SPAG16: variants seen among roughly 807,000 people sequenced by gnomAD.
The protein encoded by SPAG16 is sperm associated antigen 16.
Under a neutral mutation model 80.4 loss-of-function variants are expected in SPAG16, and 86 were observed. The ratio of observed to expected loss-of-function variants is 1.07; its 90% CI spans 0.90 to 1.28. The LOEUF (loss-of-function observed/expected upper bound fraction) is 1.28. Ranked by LOEUF, SPAG16 falls within the 50% of genes most tolerant of loss-of-function variation. The pLI, the probability that SPAG16 is intolerant of heterozygous loss-of-function variation, is 0.00. For missense variants in SPAG16, 870 were observed against 765.3 expected (o/e 1.14, Z -1.61); for synonymous variants, 294 against 265.9 (o/e 1.11, Z -1.03).
intron 10 of SPAG16, among the ~76,000 whole-genome samples, chr2:213,670,826 G>A (rs16850675): frequency 0.05 from 7,581 of 152,038 alleles, 605 homozygotes; most frequent in African/African-American, 0.17. Context: ...CTCAAATGCC[G>A]CATATATCAG....
intron 10 of SPAG16, among the ~76,000 whole-genome samples, chr2:213,714,983 T>C (rs1158142802): frequency 6.6e-6 from 1 of 152,218 alleles, no homozygotes; most frequent in Non-Finnish European, 1.5e-5. Flanking sequence ...TACTGATTGC[T>C]TACTTTGTAC....
At chr2:214,093,137 C>T (rs971259007) in intron 13 of SPAG16, among the ~76,000 whole-genome samples, 1 of 152,050 alleles carries the variant, frequency 6.6e-6, no homozygotes, top group Non-Finnish European at 1.5e-5. Context: ...GGTACAGTTA[C>T]CACCTCTCTG....
At chr2:213,851,094 A>G (rs1230240438) in intron 10 of SPAG16, among the ~76,000 whole-genome samples, 2 of 152,208 alleles carry the variant, frequency 1.3e-5, no homozygotes, top group Non-Finnish European at 2.9e-5. Context: ...TCAGAAGTAT[A>G]AAATGTTGCT....
intron 10 of SPAG16, among the ~76,000 whole-genome samples, chr2:213,833,474 AT>A (rs1370982194): frequency 8.5e-4 from 2 of 2,344 alleles, no homozygotes; most frequent in East Asian, 0.5. Flanking sequence ...ATTATATATA[AT>A]AATATATATA....
chr2:213,347,932 G>T (rs1288047073), intron 6 of SPAG16, among the ~76,000 whole-genome samples: 2 of 152,026 alleles, frequency 1.3e-5, no homozygotes, highest in African/African-American at 4.8e-5. Flanking sequence ...TTCAATTCCT[G>T]GATATCCTTG....
At chr2:213,573,520 A>G (rs2060004956) in intron 10 of SPAG16, among the ~76,000 whole-genome samples, 1 of 152,228 alleles carries the variant, frequency 6.6e-6, no homozygotes, top group African/African-American at 2.4e-5. Flanking sequence ...GGTAAACAGT[A>G]GCTACTTTTC....
At chr2:213,812,015 C>T (rs1284899317) in intron 10 of SPAG16, among the ~76,000 whole-genome samples, 1 of 152,048 alleles carries the variant, frequency 6.6e-6, no homozygotes, top group Non-Finnish European at 1.5e-5. Flanking sequence ...TAAAATGGGC[C>T]TAGCAACAGG....
At chr2:214,017,845 C>T (rs2047666901) in intron 13 of SPAG16, among the ~76,000 whole-genome samples, 1 of 152,054 alleles carries the variant, frequency 6.6e-6, no homozygotes, top group African/African-American at 2.4e-5. Context: ...TATATCACTA[C>T]AATTATTATT....
At chr2:213,737,814 CT>C (rs2125445260) in intron 10 of SPAG16, among the ~76,000 whole-genome samples, 1 of 152,186 alleles carries the variant, frequency 6.6e-6, no homozygotes, top group African/African-American at 2.4e-5. Context: ...TACATGTATA[CT>C]TTCTTCTTAA....
At chr2:213,917,589 A>G (rs1314746521) in intron 11 of SPAG16, among the ~76,000 whole-genome samples, 2 of 152,064 alleles carry the variant, frequency 1.3e-5, no homozygotes, top group Non-Finnish European at 2.9e-5. Context: ...TGTTGTTGGT[A>G]TATAGAAATG....
At chr2:213,869,253 C>CAAAAAAAAAAAA (rs1329869756) in intron 11 of SPAG16, among the ~76,000 whole-genome samples, 4,179 of 79,708 alleles carry the variant, frequency 0.052, 905 homozygotes, top group Non-Finnish European at 0.088. Context: ...AAGTCCATGT[C>CAAAAAAAAAAAA]AAAAAAAAAA....
intron 11 of SPAG16, among the ~76,000 whole-genome samples, chr2:213,918,367 A>G (rs926332136): frequency 2.0e-5 from 3 of 151,882 alleles, no homozygotes; most frequent in African/African-American, 7.3e-5. Context: ...TTGTATACAT[A>G]TGGTAGAATT....
Position 214,001,574 on chromosome 2 carries a change from A to G in SPAG16, c.1401-12377A>G, listed in dbSNP as rs181236761. Among the ~76,000 whole-genome samples the G allele has an allele frequency of 2.7e-3, 414 of 152,304 alleles. 3 individuals carry two copies. The highest frequency in any genetic ancestry group is 9.5e-3 in the African/African-American group (396 of 41,564). The stretch of plus-strand genomic sequence containing the variant: ...CTATTAACTTTCAGAAACCCAAACC[A>G]AGAGAATCACTCAGCAATGTGACAT... On this transcript the variant is annotated intron_variant, in intron 12 of 15. Transcript: ENST00000331683.
At chr2:213,963,910 A>G (rs1279830762) in intron 12 of SPAG16, among the ~76,000 whole-genome samples, 2 of 152,072 alleles carry the variant, frequency 1.3e-5, no homozygotes, top group African/African-American at 2.4e-5. Flanking sequence ...ATCTATTTGT[A>G]TCTTTGAATC....
intron 10 of SPAG16, among the ~76,000 whole-genome samples, chr2:213,634,973 C>G (rs1048023008): frequency 1.3e-5 from 2 of 151,680 alleles, no homozygotes; most frequent in Non-Finnish European, 2.9e-5. Context: ...TATATATATA[C>G]TCCACATTTT....
intron 10 of SPAG16, among the ~76,000 whole-genome samples, chr2:213,560,440 T>C (rs2125980659): frequency 6.6e-6 from 1 of 152,132 alleles, no homozygotes; most frequent in South Asian, 2.1e-4. Flanking sequence ...TAAAGTAATA[T>C]CAATGGAACA....
At chr2:213,643,348 TTA>T (rs61608932) in intron 10 of SPAG16, among the ~76,000 whole-genome samples, 42 of 39,110 alleles carry the variant, frequency 1.1e-3, no homozygotes, top group Non-Finnish European at 1.4e-3. Context: ...GATCTTAATT[TTA>T]TATATATATA....
chr2:214,152,081 A>G lies in SPAG16; in HGVS notation c.1720+2815A>G, dbSNP rs527815733. ...GGGATTTCTTATCACTGCAAATCCA[A>G]CACAGTATAGGAATAAATTGAAAGT... On this transcript the variant is annotated intron_variant, in intron 15 of 15. Coordinates refer to ENST00000331683, the MANE Select transcript of SPAG16 (RefSeq NM_024532.5). Among the ~76,000 whole-genome samples, 9 of 152,340 alleles carry G rather than the reference A, an allele frequency of 5.9e-5. No homozygotes were observed. In the East Asian group the frequency reaches 1.5e-3, roughly 26 times the overall value.
At chr2:213,466,440 G>A (rs182388959) in intron 9 of SPAG16, among the ~76,000 whole-genome samples, 54 of 152,316 alleles carry the variant, frequency 3.5e-4, no homozygotes, top group African/African-American at 1.3e-3. Flanking sequence ...AGCTGCCTGA[G>A]TTTCTTTCAT....
Sources: allele counts gnomAD v4.1 joint callset (sites outside exome capture counted in the v4.1 genomes callset), GRCh38; gene constraint gnomAD v4.1.1; transcripts MANE v1.5; gene names NCBI Gene and HGNC (gene_info 2026-07-23, HGNC 2026-07-21).